Variants in PZP observed in about 807,000 individuals in gnomAD.
PZP encodes the protein PZP alpha-2-macroglobulin like.
PZP carries 150 observed loss-of-function variants against 179.8 expected under a neutral mutation model. The observed-to-expected ratio is 0.83, with a 90% confidence interval of 0.73 to 0.96. PZP has a LOEUF of 0.96. PZP is among the 40% of genes least tolerant of loss of function. The pLI is 0.00. For missense variants in PZP, 1,689 were observed against 1,764.0 expected (o/e 0.96, Z 0.76); for synonymous variants, 624 against 652.3 (o/e 0.96, Z 0.66).
Position 9,170,623 on chromosome 12 carries a change from C to A in PZP, c.1840-1032G>T, listed in dbSNP as rs1349878288. ...TCCTGCAGGGAGAGGTGGGTGCCATCTCTGTGGTTCTGAGGACTCAGCCAC... is the reference window on the plus strand; with the variant it reads ...TCCTGCAGGGAGAGGTGGGTGCCATATCTGTGGTTCTGAGGACTCAGCCAC... On this transcript the variant is annotated intron_variant, in intron 15 of 35. Transcript: ENST00000261336. This position sits in a 1 kb window ranked among gnomAD's most constrained non-coding sequence, Gnocchi z 4.6. 6.6e-6 allele frequency among the ~76,000 whole-genome samples: 1 copy of A among 152,182 alleles called. No homozygotes were observed. Among genetic ancestry groups the A allele is most frequent in the African/African-American group, 2.4e-5 (1 of 41,438 alleles).
intron 10 of PZP, 116 bp from the exon 11 acceptor site, chr12:9,194,354 C>T: frequency 1.2e-6 from 1 of 846,794 alleles, no homozygotes; most frequent in Non-Finnish European, 1.8e-6. Flanking sequence ...CTCAAAAAAA[C>T]CCCACCAAAC....
intron 1 of PZP, among the ~76,000 whole-genome samples, 188 bp from the exon 2 acceptor site, chr12:9,204,139 G>C (rs955496696): frequency 6.6e-6 from 1 of 152,140 alleles, no homozygotes; most frequent in Non-Finnish European, 1.5e-5. Flanking sequence ...CATCAGCCAT[G>C]CCTCAGCCAC....
At chr12:9,165,978 G>T in intron 18 of PZP, 74 bp downstream of exon 18, 1 of 1,506,814 alleles carries the variant, frequency 6.6e-7, no homozygotes, top group Non-Finnish European at 8.9e-7. Flanking sequence ...CAGGAAGATT[G>T]TCTTAGAATT....
intron 34 of PZP, among the ~76,000 whole-genome samples, chr12:9,150,306 G>A (rs989919767): frequency 2.6e-5 from 4 of 151,668 alleles, no homozygotes; most frequent in African/African-American, 4.8e-5. Flanking sequence ...TTTTTGAGAC[G>A]GAGTCTCGCA....
At chr12:9,201,491 A>C in intron 4 of PZP, 144 bp from the exon 5 acceptor site, 5 of 611,026 alleles carry the variant, frequency 8.2e-6, no homozygotes, top group Non-Finnish European at 1.4e-5. Flanking sequence ...GAAAAATCTC[A>C]GGGAAATTAT....
chr12:9,149,030 A>C (rs113137234), intron 35 of PZP, 36 bp from the exon 36 acceptor site: 1 of 1,594,520 alleles, frequency 6.3e-7, no homozygotes, highest in Admixed American at 1.7e-5. Context: ...AGGTTGTATC[A>C]TTTCCTGAGG....
downstream of PZP, among the ~76,000 whole-genome samples, chr12:9,148,413 AT>A (rs1045415339): frequency 6.6e-6 from 1 of 152,068 alleles, no homozygotes; most frequent in Admixed American, 6.5e-5. Flanking sequence ...TATTAATTTT[AT>A]TATCCATGTT....
At chr12:9,194,983 T>A (rs1373791382) in intron 10 of PZP, among the ~76,000 whole-genome samples, 1 of 152,166 alleles carries the variant, frequency 6.6e-6, no homozygotes, top group African/African-American at 2.4e-5. Context: ...GCCTCCTTTA[T>A]ATGGTAGTAT....
At chr12:9,196,743 A>T in intron 8 of PZP, 58 bp from the exon 9 acceptor site, 1 of 1,414,054 alleles carries the variant, frequency 7.1e-7, no homozygotes, top group Non-Finnish European at 1.0e-6. Flanking sequence ...TAGTCACTGA[A>T]TCTACTATTC....
Position 9,201,252 on chromosome 12 carries a change from G to A in PZP, c.501+75C>T, listed in dbSNP as rs1021216583. On this transcript the variant is annotated intron_variant, in intron 5 of 35. Coordinates refer to ENST00000261336, the MANE Select transcript of PZP (RefSeq NM_002864.3). ...TGAAAATTTTTAAAGTAGTTCATCT[G>A]TCTAGAGTATTATCAGAACCTCCTA... 2.7e-5 allele frequency: 37 copies of A among 1,369,464 alleles called. No homozygotes were observed. In the Admixed American group the frequency reaches 7.3e-4, roughly 27 times the overall value. The allele number at this position is 1,369,464 out of a possible 1,614,324, so 84.8% of individuals were successfully genotyped here.
chr12:9,196,809 G>T, intron 8 of PZP, 124 bp from the exon 9 acceptor site: 1 of 841,942 alleles, frequency 1.2e-6, no homozygotes, highest in Non-Finnish European at 1.9e-6. Flanking sequence ...ATTGACCTTC[G>T]AGAACTTAAT....
In PZP at chr12:9,148,846, G is replaced by T; in HGVS notation, c.*126C>A. On this transcript the variant is annotated 3_prime_UTR_variant, in exon 36 of 36. Transcript: ENST00000261336. ...TGAATGATGCAACAAGTGATAGTTT[G>T]ACCAGAAGTACATATTTATTCAGCA... The T allele has an allele frequency of 1.3e-6, 1 of 764,752 alleles. No homozygotes were observed. The highest frequency in any genetic ancestry group is 1.8e-5 in the South Asian group (1 of 56,798). The allele number at this position is 764,752 out of a possible 1,614,324, so 47.4% of individuals were successfully genotyped here.
At chr12:9,194,279 C>T (rs1943620801) in intron 10 of PZP, 41 bp from the exon 11 acceptor site, 1 of 1,588,702 alleles carries the variant, frequency 6.3e-7, no homozygotes, top group Non-Finnish European at 8.6e-7. Flanking sequence ...TGAACAACAC[C>T]CAGAGAGGAC....
intron 23 of PZP, among the ~76,000 whole-genome samples, chr12:9,160,775 C>T (rs1273748147): frequency 6.6e-6 from 1 of 151,934 alleles, no homozygotes; most frequent in South Asian, 2.1e-4. Flanking sequence ...ATTAGCCGGG[C>T]GTGGTGGCGG....
intron 15 of PZP, among the ~76,000 whole-genome samples, chr12:9,175,375 G>C (rs1942294312): frequency 6.6e-6 from 1 of 152,060 alleles, no homozygotes; most frequent in Non-Finnish European, 1.5e-5. Flanking sequence ...GAAAATCTAG[G>C]CAATACCATT....
At chr12:9,202,769 T>G in intron 2 of PZP, 85 bp from the exon 3 acceptor site, 2 of 1,304,798 alleles carry the variant, frequency 1.5e-6, no homozygotes, top group Non-Finnish European at 2.1e-6. Flanking sequence ...TTCCTATCTC[T>G]CCTTCAGCTT....
chr12:9,177,196 A>G lies in PZP; in HGVS notation c.1839+3787T>C, dbSNP rs78600685. On this transcript the variant is annotated intron_variant, in intron 15 of 35. Coordinates refer to ENST00000261336, the MANE Select transcript of PZP (RefSeq NM_002864.3). ...GGGACATGTCTTTCAGGCCTAGGTC[A>G]TAAAAGATATTGCAAGTTTAGCACT... 3.6e-3 allele frequency among the ~76,000 whole-genome samples: 548 copies of G among 152,366 alleles called. 21 individuals carry two copies. In the East Asian group the frequency reaches 0.092, roughly 25 times the overall value.
chr12:9,201,922 G>A (rs762457854), intron 4 of PZP, among the ~76,000 whole-genome samples: 6 of 151,834 alleles, frequency 4.0e-5, no homozygotes, highest in South Asian at 2.1e-4. Flanking sequence ...TATATGTATC[G>A]AATATATAAT....
chr12:9,156,193 C>A, intron 28 of PZP: 1 of 207,088 alleles, frequency 4.8e-6, no homozygotes, highest in South Asian at 9.0e-5. Flanking sequence ...TTTGTGAAGT[C>A]AGTTCCTGCA....
Sources: allele counts gnomAD v4.1 joint callset (sites outside exome capture counted in the v4.1 genomes callset), GRCh38; gene constraint gnomAD v4.1.1; non-coding constraint Gnocchi (gnomAD v3.1); transcripts MANE v1.5; gene names NCBI Gene and HGNC (gene_info 2026-07-23, HGNC 2026-07-21).